Variants in MAML3 observed in about 807,000 individuals in gnomAD.
MAML3 encodes the protein mastermind like transcriptional coactivator 3.
A neutral mutation model predicts 101.9 loss-of-function variants in MAML3; 27 were observed. The ratio of observed to expected loss-of-function variants is 0.27; its 90% confidence interval spans 0.20 to 0.37. MAML3 has a LOEUF of 0.37. MAML3 is among the 10% of genes least tolerant of loss of function. The pLI is 1.00. For missense variants in MAML3, 1,316 were observed against 1,444.9 expected, an observed-to-expected ratio of 0.91 and a Z score of 1.45; for synonymous variants, 501 against 555.9, an observed-to-expected ratio of 0.90 and a Z score of 1.39.
chr4:139,747,268 G>A (rs370791206), intron 2 of MAML3, among the ~76,000 whole-genome samples: 2 of 152,306 alleles, frequency 1.3e-5, no homozygotes, highest in East Asian at 1.9e-4. Context: ...TTGTGGCGCC[G>A]GTGGGAGGAG....
At chr4:139,868,715 T>C (rs576348443) in intron 2 of MAML3, among the ~76,000 whole-genome samples, 2 of 152,354 alleles carry the variant, frequency 1.3e-5, no homozygotes, top group African/African-American at 2.4e-5. Context: ...GCTTGAAACA[T>C]TGTCTTCACT....
chr4:139,893,759 C>A (rs1046067214), intron 1 of MAML3, among the ~76,000 whole-genome samples: 2 of 152,098 alleles, frequency 1.3e-5, no homozygotes, highest in African/African-American at 4.8e-5. Context: ...GTCTTGCTAA[C>A]TCTATGGATT....
chr4:139,726,809 TACCA>T (rs1440075181), intron 3 of MAML3, among the ~76,000 whole-genome samples: 1 of 152,190 alleles, frequency 6.6e-6, no homozygotes, highest in Non-Finnish European at 1.5e-5. Context: ...CTAGTGTTGC[TACCA>T]ATATGCTGGG....
intron 1 of MAML3, among the ~76,000 whole-genome samples, chr4:139,920,627 G>A (rs1045909138): frequency 2.0e-5 from 3 of 152,214 alleles, no homozygotes; most frequent in African/African-American, 7.2e-5. Context: ...CACTAAAGTG[G>A]CCATCAACCA....
rs1365938882 is a variant in MAML3 at position 140,023,555 on chromosome 4, G to A, written c.468+129305C>T. 2.0e-5 allele frequency among the ~76,000 whole-genome samples: 3 copies of A among 152,272 alleles called. No individual in the cohort carries two copies. The East Asian group carries it at 5.8e-4, about 29-fold the overall frequency. Reference sequence around the variant, plus strand: ...CTATTTGTCAGGGGGATATGTGGAGGGAGGAAATTTGCAGAGAATTGTTAA... The same window carrying A: ...CTATTTGTCAGGGGGATATGTGGAGAGAGGAAATTTGCAGAGAATTGTTAA... On this transcript the variant is annotated intron_variant, in intron 1 of 4. Coordinates refer to ENST00000509479, the MANE Select transcript of MAML3 (RefSeq NM_018717.5).
intron 1 of MAML3, among the ~76,000 whole-genome samples, chr4:139,909,374 A>G (rs1012510603): frequency 6.6e-6 from 1 of 152,186 alleles, no homozygotes; most frequent in Non-Finnish European, 1.5e-5. Context: ...ACGTCTATGG[A>G]GCTTTTGATG....
In MAML3 at chr4:139,890,787, G is replaced by A. The variant is rs1333282350; in HGVS notation, c.649C>T (p.Pro217Ser). 1 of 1,614,054 alleles carries A rather than the reference G, an allele frequency of 6.2e-7. No individual in the cohort carries two copies. The highest frequency in any genetic ancestry group is 1.1e-5 in the South Asian group (1 of 91,086). The change falls in exon 2 of 5, where the codon CCT becomes TCT. Residue 217 changes from proline (P) to serine (S), a missense_variant. Physicochemically the swap from Pro to Ser is moderately conservative, Grantham distance 74. Coordinates refer to ENST00000509479, the MANE Select transcript of MAML3 (RefSeq NM_018717.5). This position sits in a 1 kb window ranked among gnomAD's most constrained non-coding sequence, Gnocchi z 4.1. ...PSNMPLPSAS[P>S]LHQLDLKPSL... ...GGTTTCAGGTCAAGTTGGTGAAGAG[G>A]AGAAGCTGAAGGCAGTGGCATGTTA...
At chr4:140,008,766 G>A (rs760932591) in intron 1 of MAML3, among the ~76,000 whole-genome samples, 2 of 151,976 alleles carry the variant, frequency 1.3e-5, no homozygotes, top group African/African-American at 2.4e-5. Context: ...TTATACACGC[G>A]CACACACAAA....
At chr4:139,727,392 CATATA>C (rs1249647792) in intron 3 of MAML3, among the ~76,000 whole-genome samples, 2 of 152,334 alleles carry the variant, frequency 1.3e-5, no homozygotes, top group African/African-American at 4.8e-5. Flanking sequence ...TCAAACTTCC[CATATA>C]ATATAAGAAT....
intron 1 of MAML3, among the ~76,000 whole-genome samples, chr4:139,939,396 A>G (rs1263709954): frequency 2.0e-5 from 3 of 152,080 alleles, no homozygotes; most frequent in Non-Finnish European, 4.4e-5. Context: ...TTACTGCCTG[A>G]GGCCCAATCT....
At chr4:139,833,147 G>A (rs993459171) in intron 2 of MAML3, among the ~76,000 whole-genome samples, 6 of 152,324 alleles carry the variant, frequency 3.9e-5, no homozygotes, top group Middle Eastern at 3.4e-3. Flanking sequence ...CAGCAGAAGT[G>A]AGCCAACCAG....
Position 139,769,622 on chromosome 4 carries a change from C to CTT in MAML3, c.2080-38957_2080-38956dup, listed in dbSNP as rs113328444. Among the ~76,000 whole-genome samples the CTT allele has an allele frequency of 3.4e-4, 50 of 145,642 alleles. No individual in the cohort carries two copies. In the East Asian group the frequency reaches 3.6e-3, roughly 11 times the overall value. On this transcript the variant is annotated intron_variant, in intron 2 of 4. Transcript: ENST00000509479. ...GACCTTCCATGTCAAAGTTCTTTTT[C>CTT]TTTTTTTTTTTTGACGGAGTTTCAC...
chr4:139,932,005 A>T (rs1733408811), intron 1 of MAML3, among the ~76,000 whole-genome samples: 1 of 151,990 alleles, frequency 6.6e-6, no homozygotes, highest in Admixed American at 6.6e-5. Flanking sequence ...GGCGATAAGA[A>T]CAAAACTCTG....
intron 1 of MAML3, among the ~76,000 whole-genome samples, chr4:139,953,806 A>C (rs1392222557): frequency 3.3e-5 from 5 of 152,168 alleles, no homozygotes. Context: ...AGTAGCTGCT[A>C]TTCCTATACT....
chr4:140,109,811 G>A lies in MAML3; in HGVS notation c.468+43049C>T, dbSNP rs118028670. 2.7e-4 allele frequency among the ~76,000 whole-genome samples: 41 copies of A among 152,194 alleles called. 1 individual carries two copies. The East Asian group carries it at 5.8e-3, about 22-fold the overall frequency. ...GTTATAGGCCACCTGCATCACTGTCGCCATGACAACAGTGAAAGACAATCC... is the reference window on the plus strand; with the variant it reads ...GTTATAGGCCACCTGCATCACTGTCACCATGACAACAGTGAAAGACAATCC... On this transcript the variant is annotated intron_variant, in intron 1 of 4. Transcript: ENST00000509479.
chr4:140,083,857 C>T (rs2110971534), intron 1 of MAML3, among the ~76,000 whole-genome samples: 1 of 151,694 alleles, frequency 6.6e-6, no homozygotes, highest in South Asian at 2.1e-4. Flanking sequence ...AAGTTCGCCC[C>T]AACACACTGA....
intron 2 of MAML3, among the ~76,000 whole-genome samples, chr4:139,826,781 T>C (rs763986200): frequency 6.6e-6 from 1 of 152,146 alleles, no homozygotes; most frequent in Non-Finnish European, 1.5e-5. Context: ...ATGTGGTTTG[T>C]TGCTTCAGAG....
At chr4:140,073,978 A>G (rs543759775) in intron 1 of MAML3, among the ~76,000 whole-genome samples, 2 of 151,960 alleles carry the variant, frequency 1.3e-5, no homozygotes, top group East Asian at 3.9e-4. Context: ...CTAAAAATAC[A>G]AAAATTAACC....
chr4:139,902,670 C>T (rs536585294), intron 1 of MAML3, among the ~76,000 whole-genome samples: 1 of 152,332 alleles, frequency 6.6e-6, no homozygotes, highest in East Asian at 1.9e-4. Flanking sequence ...GCTCTGGAGC[C>T]TGGCGGCAGA....
Sources: allele counts gnomAD v4.1 joint callset (sites outside exome capture counted in the v4.1 genomes callset), GRCh38; gene constraint gnomAD v4.1.1; non-coding constraint Gnocchi (gnomAD v3.1); transcripts MANE v1.5; gene names NCBI Gene and HGNC (gene_info 2026-07-23, HGNC 2026-07-21).